PROS1: variants seen among roughly 807,000 people sequenced by gnomAD.
The protein encoded by PROS1 is protein S, also known as vitamin K-dependent protein S.
PROS1 carries 29 observed loss-of-function variants against 75.9 expected under a neutral mutation model. That is an observed-to-expected ratio of 0.38 (90% CI 0.28 to 0.52). The LOEUF (loss-of-function observed/expected upper bound fraction) is 0.52. Ranked by LOEUF, PROS1 falls within the 20% of genes least tolerant of loss-of-function variation. The pLI is 0.83. For synonymous variants in PROS1, 245 were observed against 280.6 expected (o/e 0.87, Z 1.27); for missense variants, 680 against 810.3 (o/e 0.84, Z 1.95).
intron 13 of PROS1, among the ~76,000 whole-genome samples, chr3:93,878,132 A>G (rs1422198031): frequency 1.3e-5 from 2 of 152,202 alleles, no homozygotes; most frequent in African/African-American, 4.8e-5. Flanking sequence ...TAAATTAAAT[A>G]TCAAAGACAT....
intron 14 of PROS1, among the ~76,000 whole-genome samples, chr3:93,875,403 T>C (rs1306219699): frequency 2.0e-5 from 3 of 152,102 alleles, no homozygotes; most frequent in African/African-American, 7.2e-5. Context: ...ACTCTTTCTC[T>C]CAAGACATTT....
intron 1 of PROS1, among the ~76,000 whole-genome samples, chr3:93,942,197 G>A (rs746676153): frequency 6.6e-5 from 10 of 152,158 alleles, no homozygotes; most frequent in Admixed American, 2.6e-4. Flanking sequence ...TGAGGCTACC[G>A]CTCTGCCCCC....
intron 1 of PROS1, among the ~76,000 whole-genome samples, chr3:93,947,042 A>G (rs1709413599): frequency 6.6e-6 from 1 of 152,216 alleles, no homozygotes; most frequent in Non-Finnish European, 1.5e-5. Flanking sequence ...GAAGACATTT[A>G]TGCAGCCAAC....
chr3:93,892,208 T>TA (rs1708440066), intron 10 of PROS1, among the ~76,000 whole-genome samples: 1 of 151,850 alleles, frequency 6.6e-6, no homozygotes, highest in Non-Finnish European at 1.5e-5. Flanking sequence ...TGCACACCTG[T>TA]AATCCCAGCT....
At chr3:93,906,513 G>A (rs146527073) in intron 4 of PROS1, among the ~76,000 whole-genome samples, 2 of 152,280 alleles carry the variant, frequency 1.3e-5, no homozygotes, top group Admixed American at 6.5e-5. Flanking sequence ...GTGCTCTTGG[G>A]GGCCTGCTCC....
intron 3 of PROS1, among the ~76,000 whole-genome samples, chr3:93,914,610 G>A (rs1240331386): frequency 1.3e-5 from 2 of 152,132 alleles, no homozygotes; most frequent in African/African-American, 4.8e-5. Context: ...TCTCTCAAAT[G>A]TCTTTGAGGT....
intron 10 of PROS1, among the ~76,000 whole-genome samples, chr3:93,889,487 CAA>C (rs1343660080): frequency 2.6e-5 from 4 of 152,064 alleles, no homozygotes; most frequent in Non-Finnish European, 5.9e-5. Context: ...CACGTTTGCC[CAA>C]GTGTGCTTTG....
chr3:93,930,657 AG>A (rs1709093351), intron 1 of PROS1, among the ~76,000 whole-genome samples: 2 of 152,226 alleles, frequency 1.3e-5, no homozygotes, highest in South Asian at 4.1e-4. Flanking sequence ...TGCTTGTGAA[AG>A]CAAAGGTCTA....
At chr3:93,900,667 T>C (rs1462648485) in intron 7 of PROS1, 137 bp downstream of exon 7, 3 of 1,254,216 alleles carry the variant, frequency 2.4e-6, no homozygotes, top group Non-Finnish European at 3.4e-6. Context: ...AAGCCAATGA[T>C]TACCCAATTG....
At chr3:93,902,308 A>G (rs983356524) in intron 6 of PROS1, among the ~76,000 whole-genome samples, 1 of 152,140 alleles carries the variant, frequency 6.6e-6, no homozygotes, top group African/African-American at 2.4e-5. Flanking sequence ...TAAATAAATA[A>G]ATAATAAAAT....
In PROS1 at chr3:93,927,280, G is replaced by C. The variant is rs1060504812; in HGVS notation, c.204C>G (p.Ala68=). Residue 68 remains alanine, a synonymous_variant, in exon 2 of 15, where the codon GCC becomes GCG. Transcript: ENST00000394236. ...CCGGGTCATTTTCAAAGACCTCCCT[G>C]GCTTCTTCTTTATTGCACAGTTCTT... ...CIEELCNKEE[A]REVFENDPET... is the part of the protein sequence containing the mutation. The C allele has an allele frequency of 5.0e-5, 81 of 1,612,590 alleles. No homozygotes were observed. Among genetic ancestry groups the C allele is most frequent in the Non-Finnish European group, 6.4e-5 (76 of 1,180,008 alleles).
chr3:93,956,590 GT>G, intron 1 of PROS1, among the ~76,000 whole-genome samples: 1 of 84,652 alleles, frequency 1.2e-5, no homozygotes, highest in Non-Finnish European at 2.8e-5. Context: ...ACACACACAC[GT>G]TATCAGAATT....
chr3:93,878,271 CAGG>C (rs1362985307), intron 13 of PROS1, among the ~76,000 whole-genome samples: 1 of 152,004 alleles, frequency 6.6e-6, no homozygotes, highest in African/African-American at 2.4e-5. Context: ...TCCTTAAAGG[CAGG>C]AGATTAAAAC....
intron 6 of PROS1, among the ~76,000 whole-genome samples, chr3:93,905,491 G>C (rs1165719959): frequency 6.6e-6 from 1 of 152,136 alleles, no homozygotes; most frequent in Non-Finnish European, 1.5e-5. Flanking sequence ...TGTAGTCCCA[G>C]CTACTTGGGA....
intron 1 of PROS1, among the ~76,000 whole-genome samples, chr3:93,959,439 C>G (rs1709665265): frequency 6.6e-6 from 1 of 152,218 alleles, no homozygotes; most frequent in Non-Finnish European, 1.5e-5. Context: ...TCTCCACAAG[C>G]TGCATTCTCT....
intron 1 of PROS1, among the ~76,000 whole-genome samples, chr3:93,952,341 C>T (rs191545879): frequency 6.6e-6 from 1 of 152,272 alleles, no homozygotes; most frequent in East Asian, 1.9e-4. Context: ...AAGCACTCCT[C>T]AGCAAATCTA....
At chr3:93,900,401 A>G (rs1429156090) in intron 7 of PROS1, among the ~76,000 whole-genome samples, 1 of 152,226 alleles carries the variant, frequency 6.6e-6, no homozygotes, top group East Asian at 1.9e-4. Context: ...AATAAAAACT[A>G]AAGTTTTAAC....
chr3:93,907,804 A>G (rs1455649149), intron 4 of PROS1, among the ~76,000 whole-genome samples: 3 of 152,206 alleles, frequency 2.0e-5, no homozygotes, highest in Non-Finnish European at 2.9e-5. Context: ...TTCCAAATAT[A>G]TTACCTCATT....
At position 93,884,836 on chromosome 3, in the gene PROS1, C is replaced by G. The variant is rs1393266124; in HGVS notation, c.1384G>C (p.Gly462Arg). The G allele has an allele frequency of 6.2e-7, 1 of 1,613,054 alleles. No homozygotes were observed. Among genetic ancestry groups the G allele is most frequent in the South Asian group, 1.1e-5 (1 of 90,950 alleles). The change falls in exon 12 of 15, where the codon GGA (glycine) becomes CGA (arginine). Residue 462 changes from glycine (G) to arginine (R), a missense_variant. By Grantham distance (125) the Gly-to-Arg change is moderately radical (BLOSUM62 -2). Transcript: ENST00000394236. ...TTTTCTTGAATAATTTCCTTTATTC[C>G]AGAAGCTCCTTGCTTCATCAAATTC... ...SWNLMKQGAS[G>R]IKEIIQEKQN...
Sources: allele counts gnomAD v4.1 joint callset (sites outside exome capture counted in the v4.1 genomes callset), GRCh38; gene constraint gnomAD v4.1.1; transcripts MANE v1.5; gene names NCBI Gene and HGNC (gene_info 2026-07-23, HGNC 2026-07-21).